The following ABCC3 variants were observed in gnomAD, a reference collection of about 807,000 sequenced individuals.
The protein encoded by ABCC3 is ATP-binding cassette sub-family C member 3.
A neutral mutation model predicts 165.3 loss-of-function variants in ABCC3; 121 were observed. The observed-to-expected ratio is 0.73, with a 90% CI of 0.63 to 0.85. ABCC3 has a LOEUF of 0.85. ABCC3 is among the 40% of genes least tolerant of loss of function. ABCC3 has a pLI of 0.00. For missense variants in ABCC3, 1,869 were observed against 1,964.1 expected, an observed-to-expected ratio of 0.95 and a Z score of 0.92; for synonymous variants, 733 against 810.1, an observed-to-expected ratio of 0.90 and a Z score of 1.62.
chr17:50,651,196 A>G (rs1967110204), intron 1 of ABCC3, among the ~76,000 whole-genome samples: 1 of 152,158 alleles, frequency 6.6e-6, no homozygotes, highest in South Asian at 2.1e-4. Flanking sequence ...CATAATGTCT[A>G]GAAGCATGAG....
Position 50,683,704 on chromosome 17 carries a change from G to A in ABCC3, c.3902G>A (p.Gly1301Asp), listed in dbSNP as rs752145361. The A allele has an allele frequency of 3.7e-6, 6 of 1,609,356 alleles. No homozygotes were observed. The highest frequency in any genetic ancestry group is 4.2e-6 in the Non-Finnish European group (5 of 1,178,160). ...AATTATTCTGTGCGCTACCGGCCGGGCCTAGACCTGGTGCTGAGAGACCTG... is the reference window on the plus strand; with the variant it reads ...AATTATTCTGTGCGCTACCGGCCGGACCTAGACCTGGTGCTGAGAGACCTG... ...FRNYSVRYRPGLDLVLRDLSL... is the reference protein window; with the variant it reads ...FRNYSVRYRPDLDLVLRDLSL... Residue 1301 changes from glycine (G) to aspartate (D), a missense_variant, in exon 27 of 31, where the codon GGC becomes GAC. Transcript: ENST00000285238.
rs1417320907 is a variant in ABCC3, at chr17:50,676,282, C to T, written c.3072C>T (p.Phe1024=). The T allele has an allele frequency of 5.0e-6, 8 of 1,611,732 alleles. No individual in the cohort carries two copies. Among genetic ancestry groups the T allele is most frequent in the Non-Finnish European group, 6.8e-6 (8 of 1,178,686 alleles). The part of the protein sequence containing the change: ...VYAALGILQG[F]LVMLAAMAMA... ...GCCCTCTGCCTTCTCCAACAGGGTT[C>T]TTGGTGATGCTGGCAGCCATGGCCA... Residue 1024 remains phenylalanine, a synonymous_variant, in exon 23 of 31, where the codon TTC becomes TTT. Coordinates refer to ENST00000285238, the MANE Select transcript of ABCC3 (RefSeq NM_003786.4).
At chr17:50,680,037 G>GCAT in intron 26 of ABCC3, 138 bp downstream of exon 26, 1 of 653,838 alleles carries the variant, frequency 1.5e-6, no homozygotes, top group Non-Finnish European at 2.7e-6. Context: ...TCCTTACTGA[G>GCAT]CATCAACCAA....
intron 2 of ABCC3, 98 bp downstream of exon 2, chr17:50,656,106 G>A (rs1006410513): frequency 8.6e-6 from 9 of 1,042,496 alleles, no homozygotes; most frequent in Non-Finnish European, 1.1e-5. Flanking sequence ...TTAATTTAGA[G>A]ACAGAGTCTC....
At chr17:50,641,997 A>G (rs1407282114) in intron 1 of ABCC3, among the ~76,000 whole-genome samples, 3 of 151,626 alleles carry the variant, frequency 2.0e-5, no homozygotes, top group Admixed American at 6.6e-5. Flanking sequence ...CAGTGGGGAA[A>G]AAAAAAAAAA....
chr17:50,689,616 C>G (rs554524702), intron 30 of ABCC3, among the ~76,000 whole-genome samples: 2 of 152,216 alleles, frequency 1.3e-5, no homozygotes, highest in South Asian at 4.1e-4. Context: ...ATGGGTCAGA[C>G]CTTGCTCTCT....
Position 50,676,024 on chromosome 17 carries a change from G to A in ABCC3, c.3001G>A (p.Ala1001Thr), listed in dbSNP as rs1967795429. 6.2e-7 allele frequency: 1 copy of A among 1,614,082 alleles called. No individual in the cohort carries two copies. The highest frequency in any genetic ancestry group is 1.3e-5 in the African/African-American group (1 of 74,932). Residue 1001 changes from alanine (A) to threonine (T), a missense_variant, in exon 22 of 31, where the codon GCA (alanine) becomes ACA (threonine). Physicochemically the swap from Ala to Thr is moderately conservative, Grantham distance 58 (BLOSUM62 0). Coordinates refer to ENST00000285238, the MANE Select transcript of ABCC3 (RefSeq NM_003786.4). The stretch of plus-strand genomic sequence containing the variant: ...CAGTGCCTGGACAAATGATGCCATG[G>A]CAGACAGTAGACAGAACAACACTTC... ...WLSAWTNDAM[A>T]DSRQNNTSLR...
chr17:50,683,290 C>T (rs1967957560), intron 26 of ABCC3, among the ~76,000 whole-genome samples: 1 of 150,214 alleles, frequency 6.7e-6, no homozygotes, highest in Non-Finnish European at 1.5e-5. Flanking sequence ...AGGAGAATCG[C>T]TGGAACCCAG....
chr17:50,686,157 GCACT>G (rs768810831), intron 29 of ABCC3, among the ~76,000 whole-genome samples: 43,319 of 152,150 alleles, frequency 0.28, 6,359 homozygotes, highest in African/African-American at 0.33. Context: ...TCTCACCACT[GCACT>G]CTAGCCTGGG....
chr17:50,674,701 G>A (rs1206792583), intron 19 of ABCC3, among the ~76,000 whole-genome samples: 1 of 151,984 alleles, frequency 6.6e-6, no homozygotes, highest in Non-Finnish European at 1.5e-5. Context: ...CTTGCCTATG[G>A]CTATACATAC....
At chr17:50,677,690 G>A in intron 23 of ABCC3, 54 bp from the exon 24 acceptor site, 1 of 1,549,816 alleles carries the variant, frequency 6.5e-7, no homozygotes, top group Non-Finnish European at 8.9e-7. Flanking sequence ...AGACAGGCAG[G>A]ACTGAGTTGG....
chr17:50,645,605 T>C (rs1008408410), intron 1 of ABCC3, among the ~76,000 whole-genome samples: 2 of 152,054 alleles, frequency 1.3e-5, no homozygotes, highest in Non-Finnish European at 2.9e-5. Flanking sequence ...TGTGTGTGTG[T>C]ATTTTTTTTT....
At chr17:50,651,281 T>C (rs189728338) in intron 1 of ABCC3, among the ~76,000 whole-genome samples, 16 of 152,324 alleles carry the variant, frequency 1.1e-4, no homozygotes, top group Non-Finnish European at 1.9e-4. Context: ...TAAGTCTCTC[T>C]GTAAAAATAA....
intron 30 of ABCC3, 132 bp from the exon 31 acceptor site, chr17:50,690,960 T>C: frequency 1.6e-6 from 1 of 642,210 alleles, no homozygotes; most frequent in Non-Finnish European, 2.8e-6. Context: ...TGTGCACATG[T>C]GGTGCGGTGG....
Position 50,667,943 on chromosome 17 carries a change from G to T in ABCC3, c.1716G>T (p.Val572=). Residue 572 remains valine, a synonymous_variant, in exon 13 of 31, where the codon GTG becomes GTT. Transcript: ENST00000285238. ...ACGCCGAGAAGGCCTTTGTGTCTGT[G>T]TCCTTGTTTAATATCTTAAGACTTC... ...VLDAEKAFVS[V]SLFNILRLPL... 1 of 1,614,208 alleles carries T rather than the reference G, an allele frequency of 6.2e-7. No homozygotes were observed. Among genetic ancestry groups the T allele is most frequent in the Non-Finnish European group, 8.5e-7 (1 of 1,180,038 alleles).
chr17:50,691,997 C>T lies in ABCC3; in HGVS notation c.*797C>T, dbSNP rs967697977. 1 of 152,246 alleles carries T rather than the reference C, an allele frequency of 6.6e-6. No individual in the cohort carries two copies. Among genetic ancestry groups the T allele is most frequent in the African/African-American group, 2.4e-5 (1 of 41,456 alleles). 9.4% of individuals were successfully genotyped at this position (152,246 alleles called of 1,614,324 possible). ...TCCACGTTAATGTCATCCCTCAGCCCTCTATGCCTGTTTCTCTAGGGACTG... is the reference window on the plus strand; with the variant it reads ...TCCACGTTAATGTCATCCCTCAGCCTTCTATGCCTGTTTCTCTAGGGACTG... On this transcript the variant is annotated 3_prime_UTR_variant, in exon 31 of 31. Transcript: ENST00000285238.
Position 50,648,505 on chromosome 17 carries a change from C to T in ABCC3, c.46-7327C>T, listed in dbSNP as rs114518594. ...AAGTCTGCATACTGAAGGATAGAACCCTCAGCCCTCACTCCTAAATTGGTC... is the reference window on the plus strand; with the variant it reads ...AAGTCTGCATACTGAAGGATAGAACTCTCAGCCCTCACTCCTAAATTGGTC... On this transcript the variant is annotated intron_variant, in intron 1 of 30. Transcript: ENST00000285238. Among the ~76,000 whole-genome samples the T allele has an allele frequency of 5.2e-3, 797 of 152,306 alleles. 3 individuals carry two copies. Among genetic ancestry groups the T allele is most frequent in the African/African-American group, 0.018 (748 of 41,550 alleles).
At chr17:50,646,931 T>G (rs1348889414) in intron 1 of ABCC3, among the ~76,000 whole-genome samples, 1 of 152,194 alleles carries the variant, frequency 6.6e-6, no homozygotes, top group Non-Finnish European at 1.5e-5. Context: ...CAGGCTGGAG[T>G]GCAGTGGCAC....
intron 29 of ABCC3, among the ~76,000 whole-genome samples, chr17:50,686,227 A>G (rs1017941358): frequency 6.6e-6 from 1 of 152,216 alleles, no homozygotes; most frequent in African/African-American, 2.4e-5. Context: ...CCAGCACTTA[A>G]CAATATTCAA....
Sources: allele counts gnomAD v4.1 joint callset (sites outside exome capture counted in the v4.1 genomes callset), GRCh38; gene constraint gnomAD v4.1.1; transcripts MANE v1.5; gene names NCBI Gene and HGNC (gene_info 2026-07-23, HGNC 2026-07-21).